Variants in DCC observed in about 807,000 individuals in gnomAD.
DCC encodes the protein DCC netrin 1 receptor.
Under a neutral mutation model 172.5 loss-of-function variants are expected in DCC, and 58 were observed. That is an observed-to-expected ratio of 0.34 (90% confidence interval 0.27 to 0.42). The LOEUF is 0.42. Ranked by LOEUF, DCC falls within the 10% of genes least tolerant of loss-of-function variation. The probability of loss-of-function intolerance (pLI) is 1.00; values close to 1 mark genes in which losing one functional copy is unlikely to be tolerated. For synonymous variants in DCC, 709 were observed against 644.5 expected (o/e 1.10, Z -1.52); for missense variants, 1,740 against 1,791.0 (o/e 0.97, Z 0.51).
intron 15 of DCC, among the ~76,000 whole-genome samples, chr18:53,352,744 G>C (rs1177777280): frequency 6.6e-6 from 1 of 152,016 alleles, no homozygotes; most frequent in Non-Finnish European, 1.5e-5. Context: ...ATCTGGTTTA[G>C]TTTATAACTG....
At chr18:52,605,163 T>A (rs773859749) in intron 1 of DCC, among the ~76,000 whole-genome samples, 1 of 152,126 alleles carries the variant, frequency 6.6e-6, no homozygotes, top group Non-Finnish European at 1.5e-5. Context: ...TTATTAGGTC[T>A]GTTTGAGACA....
At chr18:52,568,048 T>C (rs2033203690) in intron 1 of DCC, among the ~76,000 whole-genome samples, 1 of 152,188 alleles carries the variant, frequency 6.6e-6, no homozygotes, top group African/African-American at 2.4e-5. Flanking sequence ...ATGGTTTGTT[T>C]GGCTAATGAC....
intron 1 of DCC, among the ~76,000 whole-genome samples, chr18:52,713,688 G>A (rs1436903024): frequency 1.3e-5 from 2 of 152,146 alleles, no homozygotes; most frequent in African/African-American, 4.8e-5. Flanking sequence ...CCTTAGGCAA[G>A]TTTTGAATTT....
intron 23 of DCC, among the ~76,000 whole-genome samples, chr18:53,458,222 G>C (rs970573698): frequency 3.9e-5 from 6 of 152,146 alleles, no homozygotes; most frequent in African/African-American, 9.7e-5. Flanking sequence ...GAAGTTACAA[G>C]TAGAGATTTA....
At chr18:52,815,523 G>A (rs1393011588) in intron 2 of DCC, among the ~76,000 whole-genome samples, 1 of 151,998 alleles carries the variant, frequency 6.6e-6, no homozygotes, top group African/African-American at 2.4e-5. Flanking sequence ...CTTGCAAAGA[G>A]AATAGAGCCC....
At chr18:52,816,381 C>T (rs1003329929) in intron 2 of DCC, among the ~76,000 whole-genome samples, 1 of 152,200 alleles carries the variant, frequency 6.6e-6, no homozygotes, top group African/African-American at 2.4e-5. Context: ...GTCATCCAGG[C>T]TCACAGTGAA....
intron 12 of DCC, among the ~76,000 whole-genome samples, chr18:53,292,644 GT>G (rs1274983978): frequency 1.3e-5 from 2 of 152,140 alleles, no homozygotes. Context: ...AGCCGAGATC[GT>G]GCCACTGCAC....
At chr18:53,063,507 C>G in intron 6 of DCC, 48 bp downstream of exon 6, 1 of 1,375,204 alleles carries the variant, frequency 7.3e-7, no homozygotes, top group Admixed American at 2.0e-5. Context: ...TCATTGTTTT[C>G]TATTTTTTTC....
chr18:52,834,749 T>C (rs1315368301), intron 2 of DCC, among the ~76,000 whole-genome samples: 1 of 152,224 alleles, frequency 6.6e-6, no homozygotes, highest in African/African-American at 2.4e-5. Context: ...TGACACCATT[T>C]TTTTAATTCT....
chr18:52,917,137 C>CA (rs146388621), intron 3 of DCC, among the ~76,000 whole-genome samples: 8,593 of 94,712 alleles, frequency 0.091, 484 homozygotes, highest in African/African-American at 0.21. Flanking sequence ...AAAAAGAAAA[C>CA]AAAAAAAAAA....
chr18:52,738,498 G>A (rs1599061997), intron 1 of DCC, among the ~76,000 whole-genome samples: 1 of 152,248 alleles, frequency 6.6e-6, no homozygotes, highest in East Asian at 1.9e-4. Flanking sequence ...GATTAAAAAT[G>A]ATGGACTTAT....
chr18:53,460,291 T>G (rs75505433), intron 24 of DCC, among the ~76,000 whole-genome samples: 4 of 97,242 alleles, frequency 4.1e-5, no homozygotes, highest in African/African-American at 9.1e-5. Context: ...TTTTTTTTTT[T>G]TTTTTTTTTT....
At chr18:52,479,897 C>G (rs948135352) in intron 1 of DCC, among the ~76,000 whole-genome samples, 1 of 151,836 alleles carries the variant, frequency 6.6e-6, no homozygotes, top group Non-Finnish European at 1.5e-5. Flanking sequence ...CTTCTGCTCT[C>G]AGTTCCATGC....
chr18:53,243,263 C>T (rs898771183), intron 12 of DCC, among the ~76,000 whole-genome samples: 2 of 152,048 alleles, frequency 1.3e-5, no homozygotes, highest in African/African-American at 4.8e-5. Context: ...AAAGTAAACA[C>T]CTCTTTCTTA....
In DCC at chr18:53,157,396, T is replaced by A; in HGVS notation, c.1302T>A (p.Asp434Glu). The A allele has an allele frequency of 6.2e-7, 1 of 1,614,172 alleles. No individual in the cohort carries two copies. The highest frequency in any genetic ancestry group is 8.5e-7 in the Non-Finnish European group (1 of 1,180,008). The change falls in exon 8 of 29, where the codon GAT becomes GAA. Residue 434 changes from aspartate to glutamate, a missense_variant. Physicochemically the swap from Asp to Glu is conservative, Grantham distance 45. This residue lies in a region of DCC where 1,732 missense variants were observed against 1,767.4 expected (regional missense o/e 0.98). Transcript: ENST00000442544. ...GTGTCCTCCCTTCGGCTCCCAGAGA[T>A]GTGGTCCCTGTCTTGGTTTCCAGCC... is the stretch of plus-strand genomic sequence containing the variant. ...SSSVLPSAPRDVVPVLVSSRF... is the reference protein window; with the variant it reads ...SSSVLPSAPREVVPVLVSSRF...
intron 1 of DCC, among the ~76,000 whole-genome samples, chr18:52,372,504 TA>T (rs1985165163): frequency 6.6e-6 from 1 of 152,220 alleles, no homozygotes; most frequent in African/African-American, 2.4e-5. Context: ...TTGTGGAAAT[TA>T]GAGCTATTTT....
intron 25 of DCC, among the ~76,000 whole-genome samples, chr18:53,478,921 C>A (rs2045799973): frequency 6.6e-6 from 1 of 152,220 alleles, no homozygotes; most frequent in South Asian, 2.1e-4. Flanking sequence ...GTGAGACGAT[C>A]ATCCCTTTGA....
At chr18:53,049,501 C>T (rs927586227) in intron 5 of DCC, among the ~76,000 whole-genome samples, 6 of 151,926 alleles carry the variant, frequency 3.9e-5, no homozygotes, top group African/African-American at 4.8e-5. Flanking sequence ...GGTAAGTATG[C>T]AGCATTATTT....
chr18:53,223,518 G>A (rs1307958723), intron 12 of DCC, among the ~76,000 whole-genome samples: 1 of 152,052 alleles, frequency 6.6e-6, no homozygotes, highest in Non-Finnish European at 1.5e-5. Context: ...TGAAAAGTGG[G>A]AGGTTTAATA....
Sources: gnomAD v4.1 joint callset for allele counts (sites outside exome capture counted in the v4.1 genomes callset) on GRCh38, gnomAD v4.1.1 for gene constraint, gnomAD v4.1.1 regional missense constraint, MANE v1.5 for transcripts, NCBI Gene and HGNC (gene_info 2026-07-23, HGNC 2026-07-21) for gene names.